CSNK1G1: variants seen among roughly 807,000 people sequenced by gnomAD.
CSNK1G1 encodes casein kinase 1 gamma 1, also known as casein kinase I isoform gamma-1.
A neutral mutation model predicts 59.6 loss-of-function variants in CSNK1G1; 22 were observed. That is an observed-to-expected ratio of 0.37 (90% CI 0.26 to 0.53). CSNK1G1 has a LOEUF of 0.53. Ranked by LOEUF, CSNK1G1 falls within the 20% of genes least tolerant of loss-of-function variation. The probability of loss-of-function intolerance (pLI) is 0.89; values close to 1 mark genes in which losing one functional copy is unlikely to be tolerated. For missense variants in CSNK1G1, 384 were observed against 519.5 expected, an observed-to-expected ratio of 0.74 and a Z score of 2.54; for synonymous variants, 179 against 177.1, an observed-to-expected ratio of 1.01 and a Z score of -0.08.
chr15:64,321,685 T>G (rs575912263), intron 1 of CSNK1G1, among the ~76,000 whole-genome samples: 1 of 152,250 alleles, frequency 6.6e-6, no homozygotes, highest in East Asian at 1.9e-4. Flanking sequence ...CTTCTGATAT[T>G]GTACTCAATT....
At chr15:64,240,978 C>G (rs1360388881) in intron 4 of CSNK1G1, among the ~76,000 whole-genome samples, 1 of 151,900 alleles carries the variant, frequency 6.6e-6, no homozygotes, top group Non-Finnish European at 1.5e-5. Context: ...ATAAAGCAAC[C>G]AGAAAAAGAT....
intron 10 of CSNK1G1, chr15:64,181,462 A>T (rs2081812436): frequency 6.7e-7 from 1 of 1,486,558 alleles, no homozygotes; most frequent in Non-Finnish European, 8.9e-7. Context: ...AAAATAGGAT[A>T]AACAATTTGG....
chr15:64,180,573 A>G (rs761510415), intron 10 of CSNK1G1, 119 bp from the exon 11 acceptor site: 171 of 757,460 alleles, frequency 2.3e-4, no homozygotes, highest in Non-Finnish European at 3.4e-4. Flanking sequence ...GGGTTAAGGG[A>G]TCAATTTAGG....
intron 10 of CSNK1G1, among the ~76,000 whole-genome samples, chr15:64,193,258 G>A (rs576024588): frequency 2.0e-5 from 3 of 152,142 alleles, no homozygotes; most frequent in Admixed American, 1.3e-4. Flanking sequence ...TTAGGAGGCC[G>A]AGGTGGGTGG....
At chr15:64,258,590 TATCA>T (rs1307799373) in intron 3 of CSNK1G1, among the ~76,000 whole-genome samples, 4 of 152,116 alleles carry the variant, frequency 2.6e-5, no homozygotes, top group African/African-American at 4.8e-5. Flanking sequence ...ATGGTTTTGT[TATCA>T]ACCTTAAATA....
At chr15:64,173,958 T>G (rs1454342933) in intron 11 of CSNK1G1, among the ~76,000 whole-genome samples, 1 of 152,210 alleles carries the variant, frequency 6.6e-6, no homozygotes, top group Non-Finnish European at 1.5e-5. Flanking sequence ...ATGGACATTT[T>G]CCAAGTTGAA....
intron 10 of CSNK1G1, among the ~76,000 whole-genome samples, chr15:64,189,707 C>T (rs1328965302): frequency 6.6e-6 from 1 of 152,144 alleles, no homozygotes; most frequent in Non-Finnish European, 1.5e-5. Context: ...TATATTCACT[C>T]CCCATATTTC....
intron 1 of CSNK1G1, among the ~76,000 whole-genome samples, chr15:64,310,824 G>A (rs1489482027): frequency 2.0e-5 from 3 of 151,712 alleles, no homozygotes; most frequent in African/African-American, 7.3e-5. Context: ...GGCCAATATG[G>A]TGAAACCCCA....
chr15:64,272,503 C>A (rs576436606), intron 2 of CSNK1G1, among the ~76,000 whole-genome samples: 6 of 152,000 alleles, frequency 3.9e-5, no homozygotes, highest in East Asian at 1.9e-4. Context: ...AGGTGTGAGA[C>A]ACCACGCCCG....
chr15:64,338,810 G>C (rs546756606), intron 1 of CSNK1G1, among the ~76,000 whole-genome samples: 2 of 151,906 alleles, frequency 1.3e-5, no homozygotes, highest in East Asian at 3.9e-4. Context: ...CTGAAGTTGG[G>C]AGTTCGAGAC....
Position 64,337,850 on chromosome 15 carries a change from G to C in CSNK1G1, c.-225+18138C>G, listed in dbSNP as rs376566974. ...CCCCTGATAACCTCTATTCTACTTT[G>C]TCTTTGAATTTGTCTATCCTAGGTA... On this transcript the variant is annotated intron_variant, in intron 1 of 11. Transcript: ENST00000303052. Among the ~76,000 whole-genome samples, 47 of 152,128 alleles carry C rather than the reference G, an allele frequency of 3.1e-4. 1 individual carries two copies. Among genetic ancestry groups the C allele is most frequent in the African/African-American group, 1.1e-3 (47 of 41,506 alleles).
Position 64,210,005 on chromosome 15 carries a change from A to C in CSNK1G1, c.680-2411T>G, listed in dbSNP as rs2082230950. Among the ~76,000 whole-genome samples the C allele has an allele frequency of 6.6e-6, 1 of 152,212 alleles. No homozygotes were observed. The highest frequency in any genetic ancestry group is 2.1e-4 in the South Asian group (1 of 4,836). ...TAAATTATGAGATTAATATATTTTTAAAACTCACTGGAATAAGTAATAAAG... is the reference window on the plus strand; with the variant it reads ...TAAATTATGAGATTAATATATTTTTCAAACTCACTGGAATAAGTAATAAAG... On this transcript the variant is annotated intron_variant, in intron 6 of 11. Transcript: ENST00000303052. This position sits in a 1 kb window ranked among gnomAD's most constrained non-coding sequence, Gnocchi z 4.2.
intron 10 of CSNK1G1, among the ~76,000 whole-genome samples, chr15:64,201,992 T>C (rs930458733): frequency 1.3e-5 from 2 of 152,220 alleles, no homozygotes; most frequent in African/African-American, 4.8e-5. Context: ...AAAAATCCTA[T>C]GTCATATTTA....
intron 1 of CSNK1G1, among the ~76,000 whole-genome samples, chr15:64,352,447 C>CTTCTTTTTTTTTTTTTT (rs1566958699): frequency 2.2e-5 from 2 of 89,414 alleles, no homozygotes; most frequent in Non-Finnish European, 4.1e-5. Flanking sequence ...TTGAATTCTT[C>CTTCTTTTTTTTTTTTTT]TTTTTTTTTT....
intron 10 of CSNK1G1, chr15:64,181,112 A>C: frequency 7.0e-7 from 1 of 1,427,186 alleles, no homozygotes; most frequent in Non-Finnish European, 9.2e-7. Flanking sequence ...GTTACAAATA[A>C]CAAGATTGTC....
chr15:64,342,726 A>T (rs1478215772), intron 1 of CSNK1G1: 1 of 152,200 alleles, frequency 6.6e-6, no homozygotes, highest in African/African-American at 2.4e-5. Flanking sequence ...AAAAAATAAA[A>T]ATTAAAAATC....
intron 1 of CSNK1G1, among the ~76,000 whole-genome samples, chr15:64,308,136 C>T (rs1895787163): frequency 6.6e-6 from 1 of 152,126 alleles, no homozygotes; most frequent in Non-Finnish European, 1.5e-5. Context: ...CTGGATCCTA[C>T]AACTAAAAAG....
At chr15:64,278,397 T>TGTGTGTGTGTGTGTGTGTGTGTG (rs1310952939) in intron 2 of CSNK1G1, among the ~76,000 whole-genome samples, 21 of 128,948 alleles carry the variant, frequency 1.6e-4, no homozygotes, top group Non-Finnish European at 3.0e-4. Flanking sequence ...TGTGTGTGTG[T>TGTGTGTGTGTGTGTGTGTGTGTG]GTGTGTGTGT....
chr15:64,227,560 T>A (rs2082479383), intron 4 of CSNK1G1, among the ~76,000 whole-genome samples: 1 of 152,224 alleles, frequency 6.6e-6, no homozygotes, highest in Non-Finnish European at 1.5e-5. Context: ...TCATCTAATA[T>A]GAAAGGAAGT....
Sources: allele counts gnomAD v4.1 joint callset (sites outside exome capture counted in the v4.1 genomes callset), GRCh38; gene constraint gnomAD v4.1.1; non-coding constraint Gnocchi (gnomAD v3.1); transcripts MANE v1.5; gene names NCBI Gene and HGNC (gene_info 2026-07-23, HGNC 2026-07-21).